The following CHST15 variants were observed in gnomAD, a reference collection of about 807,000 sequenced individuals.
CHST15 encodes B cell RAG associated protein (GALNAC4S-6ST).
Under a neutral mutation model 53.6 loss-of-function variants are expected in CHST15, and 30 were observed. The observed-to-expected ratio is 0.56, with a 90% CI of 0.42 to 0.76. CHST15 has a LOEUF of 0.76. Ranked by LOEUF, CHST15 falls within the 30% of genes least tolerant of loss-of-function variation. The pLI is 0.00. For missense variants in CHST15, 627 were observed against 740.5 expected (o/e 0.85, Z 1.78); for synonymous variants, 296 against 289.8 (o/e 1.02, Z -0.22).
chr10:124,030,516 G>A (rs1036692246), intron 5 of CHST15, among the ~76,000 whole-genome samples: 2 of 152,138 alleles, frequency 1.3e-5, no homozygotes, highest in African/African-American at 2.4e-5. Context: ...AAATCGATCC[G>A]TGGCTATTGC....
chr10:124,008,911 C>G lies in CHST15; in HGVS notation c.*1238G>C. On this transcript the variant is annotated 3_prime_UTR_variant, in exon 8 of 8. Transcript: ENST00000435907. The stretch of plus-strand genomic sequence containing the variant: ...ATCTCTAGCCCATCCATCGGTAAAC[C>G]AAGCTGCCAAGTGGCCTGGAAAATT... 9 of 1,287,896 alleles carry G rather than the reference C, an allele frequency of 7.0e-6. No homozygotes were observed. Among genetic ancestry groups the G allele is most frequent in the Non-Finnish European group, 9.1e-6 (9 of 987,590 alleles). The allele number at this position is 1,287,896 out of a possible 1,614,324, so 79.8% of individuals were successfully genotyped here.
chr10:124,014,898 G>A (rs1208298495), intron 6 of CHST15, among the ~76,000 whole-genome samples: 1 of 152,192 alleles, frequency 6.6e-6, no homozygotes, highest in Non-Finnish European at 1.5e-5. Context: ...GTGGACACAG[G>A]CCTGCACCGC....
At chr10:124,044,525 G>A in intron 3 of CHST15, 55 bp downstream of exon 3, 1 of 1,376,112 alleles carries the variant, frequency 7.3e-7, no homozygotes, top group Non-Finnish European at 9.6e-7. Context: ...GTTGCGGGAG[G>A]AATGAACGAA....
intron 1 of CHST15, among the ~76,000 whole-genome samples, chr10:124,047,627 C>T (rs1325791957): frequency 1.3e-5 from 2 of 152,212 alleles, no homozygotes; most frequent in African/African-American, 2.4e-5. Flanking sequence ...GAGCAAGCCA[C>T]ATAACCTCTC....
chr10:124,023,101 A>C (rs1946851944), intron 5 of CHST15, among the ~76,000 whole-genome samples: 1 of 151,922 alleles, frequency 6.6e-6, no homozygotes, highest in African/African-American at 2.4e-5. Flanking sequence ...TCCTAGTTGT[A>C]TTCGGAGTCT....
intron 5 of CHST15, among the ~76,000 whole-genome samples, chr10:124,026,887 C>G (rs915137321): frequency 6.6e-6 from 1 of 152,176 alleles, no homozygotes; most frequent in African/African-American, 2.4e-5. Flanking sequence ...TACCTCCAGT[C>G]AGGGCAGGCT....
chr10:124,015,242 T>C (rs1310434633), intron 6 of CHST15, among the ~76,000 whole-genome samples: 1 of 151,994 alleles, frequency 6.6e-6, no homozygotes, highest in African/African-American at 2.4e-5. Flanking sequence ...TTTCCCGGTA[T>C]AGGACAGAGA....
intron 1 of CHST15, among the ~76,000 whole-genome samples, chr10:124,086,254 C>T (rs570219710): frequency 4.3e-4 from 66 of 152,330 alleles, no homozygotes; most frequent in Non-Finnish European, 6.8e-4. Flanking sequence ...AAGTACGTAC[C>T]TAACAGATGC....
In CHST15 at chr10:124,038,689, T is replaced by C; in HGVS notation, c.1034-18A>G. ...GGCCTCCCCTGGAAACAGAAAACAC[T>C]CCAAGTGAGCAGGGGTGTGATTCAG... On this transcript the variant is annotated intron_variant, in intron 4 of 7. Transcript: ENST00000435907. 6.2e-7 allele frequency: 1 copy of C among 1,612,720 alleles called. No homozygotes were observed. Among genetic ancestry groups the C allele is most frequent in the Non-Finnish European group, 8.5e-7 (1 of 1,179,166 alleles).
intron 1 of CHST15, among the ~76,000 whole-genome samples, chr10:124,089,362 C>T (rs995401382): frequency 9.2e-5 from 14 of 152,220 alleles, no homozygotes; most frequent in African/African-American, 3.4e-4. Context: ...CTCCAAATGG[C>T]ATCTCTGCAA....
intron 1 of CHST15, among the ~76,000 whole-genome samples, chr10:124,049,611 C>T (rs1042746806): frequency 1.3e-5 from 2 of 152,178 alleles, no homozygotes; most frequent in African/African-American, 2.4e-5. Flanking sequence ...GTGGATCCTT[C>T]GAGGTGCTGG....
In CHST15 at chr10:124,019,611, T is replaced by G; in HGVS notation, c.1347+1645A>C. 1 of 280,052 alleles carries G rather than the reference T, an allele frequency of 3.6e-6. No homozygotes were observed. The highest frequency in any genetic ancestry group is 5.4e-6 in the Non-Finnish European group (1 of 184,766). The allele number at this position is 280,052 out of a possible 1,614,324, so 17.3% of individuals were successfully genotyped here. ...CGGGTCTCCGTTTCCTTATGAAGGC[T>G]CCCTCCCGGGTTACATGAAATTTAC... On this transcript the variant is annotated intron_variant, in intron 6 of 7. Transcript: ENST00000435907. This position sits in a 1 kb window ranked among gnomAD's most constrained non-coding sequence, Gnocchi z 4.6.
intron 5 of CHST15, among the ~76,000 whole-genome samples, chr10:124,034,045 A>T (rs1444745758): frequency 6.6e-6 from 1 of 152,206 alleles, no homozygotes; most frequent in Non-Finnish European, 1.5e-5. Context: ...CCAGGACATG[A>T]GCCATGACGA....
In CHST15 at chr10:124,009,619, T is replaced by C. The variant is rs1197274231; in HGVS notation, c.*530A>G. 1 of 991,594 alleles carries C rather than the reference T, an allele frequency of 1.0e-6. No individual in the cohort carries two copies. Among genetic ancestry groups the C allele is most frequent in the Non-Finnish European group, 1.2e-6 (1 of 833,410 alleles). 61.4% of individuals were successfully genotyped at this position (991,594 alleles called of 1,614,324 possible). Reference sequence around the variant, plus strand: ...GTGAGGTTAGCGATCGCAACAAGAGTGTTTCAGAAGTGAATGTGGTATGAT... The same window carrying C: ...GTGAGGTTAGCGATCGCAACAAGAGCGTTTCAGAAGTGAATGTGGTATGAT... On this transcript the variant is annotated 3_prime_UTR_variant, in exon 8 of 8. Transcript: ENST00000435907.
chr10:124,044,983 C>T (rs1016803473), intron 2 of CHST15, 64 bp from the exon 3 acceptor site: 5 of 1,151,998 alleles, frequency 4.3e-6, no homozygotes, highest in Non-Finnish European at 5.8e-6. Context: ...ACAATCTAAC[C>T]GCAATGGGAA....
chr10:124,038,419 C>A, intron 5 of CHST15, 96 bp downstream of exon 5: 1 of 1,448,522 alleles, frequency 6.9e-7, no homozygotes. Context: ...TTAATTTTTT[C>A]TAAAGGAGAC....
intron 1 of CHST15, among the ~76,000 whole-genome samples, chr10:124,049,225 G>A (rs984751998): frequency 1.3e-5 from 2 of 152,246 alleles, no homozygotes; most frequent in Admixed American, 6.5e-5. Context: ...GGGATGTGAT[G>A]TGGAAATAAG....
chr10:124,021,130 C>T (rs973272129), intron 6 of CHST15, 126 bp downstream of exon 6: 3 of 1,520,780 alleles, frequency 2.0e-6, no homozygotes, highest in Non-Finnish European at 2.6e-6. Context: ...AGCATTTGCA[C>T]ATTAAAACGC....
chr10:124,064,212 C>T lies in CHST15; in HGVS notation c.-512-17488G>A, dbSNP rs148582598. Reference sequence around the variant, plus strand: ...AAAAAAAAATAGACTTACGAAAAGTCATTGTAGCTGACTGGTTCAAGCTGA... The same window carrying T: ...AAAAAAAAATAGACTTACGAAAAGTTATTGTAGCTGACTGGTTCAAGCTGA... On this transcript the variant is annotated intron_variant, in intron 1 of 7. Transcript: ENST00000435907. Among the ~76,000 whole-genome samples the T allele has an allele frequency of 1.4e-3, 206 of 152,320 alleles. 2 individuals carry two copies. Among genetic ancestry groups the T allele is most frequent in the African/African-American group, 4.6e-3 (192 of 41,582 alleles).
Sources: gnomAD v4.1 joint callset for allele counts (sites outside exome capture counted in the v4.1 genomes callset) on GRCh38, gnomAD v4.1.1 for gene constraint, Gnocchi (gnomAD v3.1) non-coding constraint, MANE v1.5 for transcripts, NCBI Gene and HGNC (gene_info 2026-07-23, HGNC 2026-07-21) for gene names.